JPH3: variants seen among roughly 807,000 people sequenced by gnomAD.
JPH3 encodes junctophilin 3, also known as junctophilin-3.
A neutral mutation model predicts 59.6 loss-of-function variants in JPH3; 11 were observed. The ratio of observed to expected loss-of-function variants is 0.18; its 90% confidence interval spans 0.12 to 0.31. The LOEUF is 0.31. Ranked by LOEUF, JPH3 falls within the 10% of genes least tolerant of loss-of-function variation. The pLI, the probability that JPH3 is intolerant of heterozygous loss-of-function variation, is 1.00. For missense variants in JPH3, 1,202 were observed against 1,105.7 expected (o/e 1.09, Z -1.24); for synonymous variants, 673 against 483.6 (o/e 1.39, Z -5.14).
intron 2 of JPH3, among the ~76,000 whole-genome samples, chr16:87,680,618 G>A (rs528573584): frequency 1.1e-4 from 16 of 152,134 alleles, no homozygotes; most frequent in African/African-American, 3.9e-4. Context: ...GGCCCCAGGT[G>A]AGCTCAGATG....
chr16:87,604,440 C>A (rs2030429681), intron 1 of JPH3: 1 of 1,381,596 alleles, frequency 7.2e-7, no homozygotes, highest in Non-Finnish European at 9.5e-7. Flanking sequence ...CCGGTCCTTT[C>A]CTGGAAGCCA....
chr16:87,603,246 A>G lies in JPH3; in HGVS notation c.100A>G (p.Lys34Glu). 1.9e-6 allele frequency: 3 copies of G among 1,613,860 alleles called. No homozygotes were observed. Among genetic ancestry groups the G allele is most frequent in the Admixed American group, 1.7e-5 (1 of 60,030 alleles). ...CGGCCATGGCGTCTGCACCGGCCCC[A>G]AGGGCCAAGGCGAATACACCGGCTC... is the stretch of plus-strand genomic sequence containing the variant. The part of the protein sequence containing the change: ...AHGHGVCTGP[K>E]GQGEYTGSWS... Residue 34 changes from lysine to glutamate, a missense_variant, in exon 1 of 5, where the codon AAG becomes GAG. Transcript: ENST00000284262.
rs1363601704 is a variant in JPH3, at chr16:87,603,441, G to A, written c.295G>A (p.Glu99Lys). 6 of 1,569,978 alleles carry A rather than the reference G, an allele frequency of 3.8e-6. No individual in the cohort carries two copies. The highest frequency in any genetic ancestry group is 1.4e-5 in the African/African-American group (1 of 73,622). ...HGFKGRYGVRECAGNGAKYEG... is the reference protein window; with the variant it reads ...HGFKGRYGVRKCAGNGAKYEG... ...ATTCAAGGGGCGCTACGGGGTGCGG[G>A]AGTGCGCGGGCAACGGGGCCAAATA... Residue 99 changes from glutamate to lysine, a missense_variant, in exon 1 of 5, where the codon GAG (glutamate) becomes AAG (lysine). Transcript: ENST00000284262.
intron 2 of JPH3, among the ~76,000 whole-genome samples, chr16:87,678,836 C>T (rs1340479041): frequency 1.3e-5 from 2 of 152,198 alleles, no homozygotes; most frequent in African/African-American, 2.4e-5. Context: ...GGAGTAAGGC[C>T]ACCACGAGCC....
rs1440812327 is a variant in JPH3 at position 87,633,907 on chromosome 16, T to TCAAACAA, written c.383-10351_383-10350insCAAACAA. On this transcript the variant is annotated intron_variant, in intron 1 of 4. Transcript: ENST00000284262. ...AAAACCATAACCCCAAACCCTTGCT[T>TCAAACAA]TTGACCAAGCAATTTCATTCTAGGA... Among the ~76,000 whole-genome samples the TCAAACAA allele has an allele frequency of 4.0e-3, 613 of 151,610 alleles. 10 individuals carry two copies. The highest frequency in any genetic ancestry group is 0.014 in the African/African-American group (568 of 40,938).
intron 1 of JPH3, among the ~76,000 whole-genome samples, chr16:87,636,465 CCGAGGGAG>C (rs2031751589): frequency 6.6e-6 from 1 of 152,160 alleles, no homozygotes; most frequent in Non-Finnish European, 1.5e-5. Flanking sequence ...TATTGAGCAA[CCGAGGGAG>C]CGAGGGAGAG....
At chr16:87,626,226 A>G (rs1463908501) in intron 1 of JPH3, among the ~76,000 whole-genome samples, 2 of 152,056 alleles carry the variant, frequency 1.3e-5, no homozygotes, top group Admixed American at 6.5e-5. Flanking sequence ...GGTGGGAATC[A>G]TTTTTATCCT....
chr16:87,669,669 G>T (rs1427253206), intron 2 of JPH3, among the ~76,000 whole-genome samples: 1 of 152,206 alleles, frequency 6.6e-6, no homozygotes, highest in Non-Finnish European at 1.5e-5. Context: ...GTGGAGGCCG[G>T]GACAGTGTGA....
intron 1 of JPH3, among the ~76,000 whole-genome samples, chr16:87,639,108 G>C (rs963005221): frequency 6.6e-6 from 1 of 152,188 alleles, no homozygotes; most frequent in Non-Finnish European, 1.5e-5. Context: ...CCTGGGAAGA[G>C]AGGTGCAGGG....
At chr16:87,686,134 C>T (rs2033411214) in intron 3 of JPH3, among the ~76,000 whole-genome samples, 1 of 152,224 alleles carries the variant, frequency 6.6e-6, no homozygotes, top group Non-Finnish European at 1.5e-5. Flanking sequence ...CGGCTTCTAA[C>T]TTCCAGAAAC....
chr16:87,661,428 C>G (rs1241304089), intron 2 of JPH3, among the ~76,000 whole-genome samples: 2 of 152,280 alleles, frequency 1.3e-5, no homozygotes, highest in African/African-American at 4.8e-5. Flanking sequence ...TGGGCCTGCC[C>G]TTTGCATCTG....
At chr16:87,607,492 AC>A (rs1313477014) in intron 1 of JPH3, among the ~76,000 whole-genome samples, 2 of 152,242 alleles carry the variant, frequency 1.3e-5, no homozygotes, top group Middle Eastern at 3.4e-3. Flanking sequence ...GACATTTTCC[AC>A]CCCGTCCCCC....
intron 1 of JPH3, among the ~76,000 whole-genome samples, chr16:87,629,667 T>C (rs2150834464): frequency 8.4e-6 from 1 of 119,098 alleles, no homozygotes; most frequent in East Asian, 2.9e-4. Flanking sequence ...ACAAGATCAT[T>C]GGTTGCCCAG....
chr16:87,655,615 A>G (rs144800812), intron 2 of JPH3, among the ~76,000 whole-genome samples: 3,464 of 152,274 alleles, frequency 0.023, 122 homozygotes, highest in African/African-American at 0.077. Context: ...AGCCTCCCAA[A>G]GTGCTGGGAT....
chr16:87,679,562 T>C (rs2033233640), intron 2 of JPH3, among the ~76,000 whole-genome samples: 1 of 152,204 alleles, frequency 6.6e-6, no homozygotes, highest in Non-Finnish European at 1.5e-5. Flanking sequence ...CTTTGACCTT[T>C]ATGGTTTTTA....
At chr16:87,659,219 C>CA (rs960740801) in intron 2 of JPH3, among the ~76,000 whole-genome samples, 20 of 151,476 alleles carry the variant, frequency 1.3e-4, no homozygotes, top group African/African-American at 4.4e-4. Context: ...ACTGAAAATA[C>CA]AAAAAAATTC....
intron 1 of JPH3, among the ~76,000 whole-genome samples, chr16:87,633,330 A>G (rs1029649749): frequency 1.3e-5 from 2 of 149,698 alleles, no homozygotes; most frequent in African/African-American, 4.9e-5. Flanking sequence ...TAAAGACCTT[A>G]TCTATCTCCA....
intron 1 of JPH3, among the ~76,000 whole-genome samples, chr16:87,612,983 G>A (rs1032542842): frequency 6.6e-6 from 1 of 151,492 alleles, no homozygotes; most frequent in African/African-American, 2.4e-5. Flanking sequence ...CCAAGATAGC[G>A]CCCCTGCAGT....
At chr16:87,636,551 C>A (rs527949019) in intron 1 of JPH3, among the ~76,000 whole-genome samples, 1 of 152,364 alleles carries the variant, frequency 6.6e-6, no homozygotes, top group African/African-American at 2.4e-5. Context: ...CTGTCCCTCA[C>A]TGCCTGTTCC....
Sources: allele counts gnomAD v4.1 joint callset (sites outside exome capture counted in the v4.1 genomes callset), GRCh38; gene constraint gnomAD v4.1.1; transcripts MANE v1.5; gene names NCBI Gene and HGNC (gene_info 2026-07-23, HGNC 2026-07-21).